Variants in CADM2 observed in about 807,000 individuals in gnomAD.
The protein encoded by CADM2 is cell adhesion molecule 2.
Under a neutral mutation model 49.8 loss-of-function variants are expected in CADM2, and 12 were observed. The ratio of observed to expected loss-of-function variants is 0.24; its 90% CI spans 0.15 to 0.39. CADM2 has a LOEUF of 0.39. Among genes scored for constraint, CADM2 ranks in the 10% least tolerant of loss-of-function variants. The probability of loss-of-function intolerance (pLI) is 1.00; values close to 1 mark genes in which losing one functional copy is unlikely to be tolerated. For synonymous variants in CADM2, 214 were observed against 175.4 expected, an observed-to-expected ratio of 1.22 and a Z score of -1.74; for missense variants, 378 against 492.3, an observed-to-expected ratio of 0.77 and a Z score of 2.20.
chr3:85,756,304 C>T (rs2069119370), intron 2 of CADM2, among the ~76,000 whole-genome samples: 1 of 152,108 alleles, frequency 6.6e-6, no homozygotes, highest in Non-Finnish European at 1.5e-5. Context: ...AACTTCTTTT[C>T]TCCACTTTCT....
intron 2 of CADM2, among the ~76,000 whole-genome samples, chr3:85,744,219 G>A (rs1022437120): frequency 6.6e-6 from 1 of 152,038 alleles, no homozygotes; most frequent in Non-Finnish European, 1.5e-5. Context: ...AGGTAGTGGG[G>A]GATTTAGGGG....
At chr3:85,168,282 T>G (rs556806512) in intron 1 of CADM2, among the ~76,000 whole-genome samples, 12 of 152,238 alleles carry the variant, frequency 7.9e-5, no homozygotes, top group African/African-American at 2.9e-4. Flanking sequence ...CTCAAACTCC[T>G]GACTTCAAGT....
chr3:84,987,606 A>G (rs1312961035), intron 1 of CADM2, among the ~76,000 whole-genome samples: 2 of 152,090 alleles, frequency 1.3e-5, no homozygotes, highest in South Asian at 4.1e-4. Context: ...ATCTATTCAA[A>G]TTTGATAGGC....
intron 1 of CADM2, among the ~76,000 whole-genome samples, chr3:85,308,713 T>C (rs2044274602): frequency 6.6e-6 from 1 of 152,022 alleles, no homozygotes; most frequent in Non-Finnish European, 1.5e-5. Flanking sequence ...CTTTGCAGTG[T>C]ATAAAGCAGA....
chr3:85,769,439 T>C (rs1212233746), intron 2 of CADM2, among the ~76,000 whole-genome samples: 1 of 104,682 alleles, frequency 9.6e-6, no homozygotes, highest in Non-Finnish European at 1.8e-5. Flanking sequence ...ATATAGTATA[T>C]ATACACGTAT....
chr3:85,068,449 G>C (rs2036600153), intron 1 of CADM2, among the ~76,000 whole-genome samples: 1 of 152,116 alleles, frequency 6.6e-6, no homozygotes, highest in South Asian at 2.1e-4. Flanking sequence ...CATATGTTAA[G>C]TTGAATTCTG....
intron 8 of CADM2, among the ~76,000 whole-genome samples, chr3:86,037,999 CT>C (rs1465670354): frequency 6.6e-6 from 1 of 152,022 alleles, no homozygotes; most frequent in African/African-American, 2.4e-5. Context: ...CCCCAACCCC[CT>C]GACAAGCTGT....
chr3:85,630,361 T>A (rs1183798866), intron 1 of CADM2, among the ~76,000 whole-genome samples: 1 of 152,020 alleles, frequency 6.6e-6, no homozygotes, highest in Non-Finnish European at 1.5e-5. Context: ...CTCTTACAAC[T>A]GGCACACAGT....
chr3:85,553,615 T>G (rs938297083), intron 1 of CADM2, among the ~76,000 whole-genome samples: 1 of 152,176 alleles, frequency 6.6e-6, no homozygotes, highest in African/African-American at 2.4e-5. Context: ...CAAGCTTTGG[T>G]GTACATAAGA....
At chr3:85,350,198 C>A (rs1280414317) in intron 1 of CADM2, among the ~76,000 whole-genome samples, 1 of 151,956 alleles carries the variant, frequency 6.6e-6, no homozygotes, top group Admixed American at 6.6e-5. Flanking sequence ...TTTTGGTTAC[C>A]AAATAATATC....
At chr3:85,857,383 T>C (rs1331366413) in intron 3 of CADM2, among the ~76,000 whole-genome samples, 1 of 152,108 alleles carries the variant, frequency 6.6e-6, no homozygotes, top group Non-Finnish European at 1.5e-5. Context: ...CCCTAGGAAA[T>C]ACCTAGGGAA....
In CADM2 at chr3:85,229,395, G is replaced by A. The variant is rs143174371; in HGVS notation, c.61+269727G>A. ...CTTGGCTAGGAAAGGGAAATCTCCC[G>A]ACCCCTTGTGCTTCCTGGGTGAGGT... On this transcript the variant is annotated intron_variant, in intron 1 of 9. Transcript: ENST00000383699. Among the ~76,000 whole-genome samples the A allele has an allele frequency of 5.4e-3, 824 of 152,218 alleles. 11 individuals are homozygous for A. The highest frequency in any genetic ancestry group is 0.019 in the African/African-American group (789 of 41,544).
At chr3:85,141,981 G>A (rs796276668) in intron 1 of CADM2, among the ~76,000 whole-genome samples, 23 of 152,258 alleles carry the variant, frequency 1.5e-4, no homozygotes, top group African/African-American at 5.5e-4. Context: ...CCAAGCTAAT[G>A]ACACTTCACC....
chr3:85,091,773 G>A (rs1462827957), intron 1 of CADM2, among the ~76,000 whole-genome samples: 1 of 152,068 alleles, frequency 6.6e-6, no homozygotes, highest in Admixed American at 6.6e-5. Flanking sequence ...CCCTCTCAGT[G>A]TGTCTCTGTC....
At chr3:86,015,127 G>A (rs1732050592) in intron 8 of CADM2, 1 of 517,074 alleles carries the variant, frequency 1.9e-6, no homozygotes, top group African/African-American at 2.0e-5. Flanking sequence ...ACCTAGGAGA[G>A]TTTTAAAAAT....
intron 1 of CADM2, among the ~76,000 whole-genome samples, chr3:85,383,465 T>G (rs895547274): frequency 1.4e-5 from 2 of 144,262 alleles, no homozygotes; most frequent in Non-Finnish European, 3.0e-5. Flanking sequence ...TACACAAGAT[T>G]GTGGAAAAAA....
chr3:85,732,585 CAAT>C (rs2067978235), intron 2 of CADM2, among the ~76,000 whole-genome samples: 1 of 152,034 alleles, frequency 6.6e-6, no homozygotes, highest in Non-Finnish European at 1.5e-5. Context: ...TATAATAGTG[CAAT>C]AATGTTTATT....
At chr3:85,798,818 G>T (rs903153143) in intron 2 of CADM2, among the ~76,000 whole-genome samples, 1 of 152,134 alleles carries the variant, frequency 6.6e-6, no homozygotes, top group Admixed American at 6.6e-5. Context: ...CAAGTCAATG[G>T]TAGCTTGATG....
chr3:85,708,211 T>C (rs1406921183), intron 1 of CADM2, among the ~76,000 whole-genome samples: 1 of 152,186 alleles, frequency 6.6e-6, no homozygotes, highest in African/African-American at 2.4e-5. Context: ...ATAAATAAAA[T>C]TACCTTTTAC....
Sources: gnomAD v4.1 joint callset for allele counts (sites outside exome capture counted in the v4.1 genomes callset) on GRCh38, gnomAD v4.1.1 for gene constraint, MANE v1.5 for transcripts, NCBI Gene and HGNC (gene_info 2026-07-23, HGNC 2026-07-21) for gene names.